The following ALDH18A1 variants were observed in gnomAD, a reference collection of about 807,000 sequenced individuals.
The protein encoded by ALDH18A1 is aldehyde dehydrogenase 18 family member A1.
ALDH18A1 carries 44 observed loss-of-function variants against 88.8 expected under a neutral mutation model. That is an observed-to-expected ratio of 0.50 (90% CI 0.39 to 0.64). The LOEUF (loss-of-function observed/expected upper bound fraction) is 0.64, where lower values mean the gene tolerates loss of function less well. ALDH18A1 is among the 30% of genes least tolerant of loss of function. The pLI, the probability that ALDH18A1 is intolerant of heterozygous loss-of-function variation, is 0.00. For missense variants in ALDH18A1, 782 were observed against 1,009.5 expected (o/e 0.77, Z 3.05); for synonymous variants, 331 against 372.1 (o/e 0.89, Z 1.27).
At position 95,637,197 on chromosome 10, in the gene ALDH18A1, C is replaced by A; in HGVS notation, c.454G>T (p.Ala152Ser). The change falls in exon 5 of 18, where the codon GCA becomes TCA. Residue 152 changes from alanine (A) to serine (S), a missense_variant and splice_region_variant. Ala to Ser is a moderately conservative substitution (Grantham distance 99, BLOSUM62 1). Around this residue, in one of 3 missense-constraint regions of ALDH18A1, gnomAD observed 132 missense variants for 255.5 expected, o/e 0.52. Transcript: ENST00000371224. ...HSGQNQLKEM[A>S]IPVLEARACA... ...GCTCGTGCCTCTAAGACTGGAATTG[C>A]CTGTAATATACCAATGAGACAAGGT... is the stretch of plus-strand genomic sequence containing the variant. 6.2e-7 allele frequency: 1 copy of A among 1,614,158 alleles called. No homozygotes were observed. The highest frequency in any genetic ancestry group is 8.5e-7 in the Non-Finnish European group (1 of 1,180,032).
Position 95,633,042 on chromosome 10 carries a change from C to A in ALDH18A1, c.725G>T (p.Ser242Ile). 1 of 1,613,714 alleles carries A rather than the reference C, an allele frequency of 6.2e-7. No individual in the cohort carries two copies. Among genetic ancestry groups the A allele is most frequent in the Non-Finnish European group, 8.5e-7 (1 of 1,179,610 alleles). Residue 242 changes from serine (S) to isoleucine (I), a missense_variant, in exon 7 of 18, where the codon AGT (serine) becomes ATT (isoleucine). By Grantham distance (142) the Ser-to-Ile change is moderately radical. Transcript: ENST00000371224. ...NSDLQGVNVI[S>I]VKDNDSLAAR... Reference sequence around the variant, plus strand: ...AGCCAGGCTATCATTATCTTTAACACTAATAACCTAGAATGCAGATTAAAA... The same window carrying A: ...AGCCAGGCTATCATTATCTTTAACAATAATAACCTAGAATGCAGATTAAAA...
rs1306790518 is a variant in ALDH18A1, at chr10:95,614,076, A to G, written c.1691T>C (p.Val564Ala). ...CTTAGCAGCTTTCTGGATGTCTCTG[A>G]CCAGCTGGGAAGAGCCACGTGGAAT... ...LIIPRGSSQL[V>A]RDIQKAAKGI... The change falls in exon 14 of 18, where the codon GTC becomes GCC. Residue 564 changes from valine to alanine, a missense_variant. Coordinates refer to ENST00000371224, the MANE Select transcript of ALDH18A1 (RefSeq NM_002860.4). 6.2e-7 allele frequency: 1 copy of G among 1,614,126 alleles called. No individual in the cohort carries two copies. Among genetic ancestry groups the G allele is most frequent in the Admixed American group, 1.7e-5 (1 of 60,020 alleles).
chr10:95,628,761 TA>T (rs1271815529), intron 7 of ALDH18A1: 2 of 444,670 alleles, frequency 4.5e-6, no homozygotes, highest in African/African-American at 4.0e-5. Context: ...GCACAACATT[TA>T]TTAGCCCTGC....
chr10:95,643,203 CAA>C lies in ALDH18A1; in HGVS notation c.90_91del (p.His30GlnfsTer36). ...ATGTCTGATGACTGAAGGCTGGATA[CAA>C]TCTGTAGCCATCAAAGTCAAATGCA... On this transcript the variant is annotated frameshift_variant and splice_region_variant, in exon 3 of 18. Coordinates refer to ENST00000371224, the MANE Select transcript of ALDH18A1 (RefSeq NM_002860.4). LOFTEE classifies it high-confidence loss of function. The C allele has an allele frequency of 6.2e-7, 1 of 1,614,078 alleles. No individual in the cohort carries two copies. Among genetic ancestry groups the C allele is most frequent in the Non-Finnish European group, 8.5e-7 (1 of 1,179,988 alleles).
At chr10:95,655,984 T>C (rs2225893) in intron 1 of ALDH18A1, among the ~76,000 whole-genome samples, 127,972 of 152,004 alleles carry the variant, frequency 0.84, 54,422 homozygotes, top group Non-Finnish European at 0.91. Context: ...GGGCAGGGGA[T>C]AATGATGGGG....
At chr10:95,644,701 GACAGGACAATGTGA>G (rs1190208700) in intron 2 of ALDH18A1, among the ~76,000 whole-genome samples, 1 of 152,214 alleles carries the variant, frequency 6.6e-6, no homozygotes, top group Non-Finnish European at 1.5e-5. Flanking sequence ...TGCTCAGGTA[GACAGGACAATGTGA>G]CCAAGTCTGG....
At position 95,643,108 on chromosome 10, in the gene ALDH18A1, G is replaced by C; in HGVS notation, c.187C>G (p.His63Asp). Residue 63 changes from histidine (H) to aspartate (D), a missense_variant, in exon 3 of 18, where the codon CAC becomes GAC. His to Asp is a moderately conservative substitution (Grantham distance 81, BLOSUM62 -1). Transcript: ENST00000371224. Reference protein sequence around the residue: ...LSRTHGKSFAHRSELKHAKRI... With the variant: ...LSRTHGKSFADRSELKHAKRI... ...TTGGCATGCTTCAGCTCACTGCGGT[G>C]GGCGAAGGACTTGCCATGTGTACGA... The C allele has an allele frequency of 6.2e-7, 1 of 1,614,228 alleles. No individual in the cohort carries two copies. Among genetic ancestry groups the C allele is most frequent in the Non-Finnish European group, 8.5e-7 (1 of 1,180,040 alleles).
intron 11 of ALDH18A1, among the ~76,000 whole-genome samples, chr10:95,622,491 C>A (rs1274317587): frequency 1.3e-5 from 2 of 151,952 alleles, no homozygotes; most frequent in African/African-American, 2.4e-5. Flanking sequence ...TATGAGCGAC[C>A]ATGCTTGGCT....
chr10:95,641,770 C>G (rs559775117), intron 3 of ALDH18A1, among the ~76,000 whole-genome samples: 2 of 152,170 alleles, frequency 1.3e-5, no homozygotes, highest in African/African-American at 4.8e-5. Context: ...TCCCGAGTAG[C>G]CGGGGCCACA....
At chr10:95,620,967 T>C in intron 12 of ALDH18A1, 64 bp downstream of exon 12, 1 of 1,453,858 alleles carries the variant, frequency 6.9e-7, no homozygotes, top group South Asian at 1.2e-5. Context: ...AAATATATTC[T>C]TCCTCCAATA....
chr10:95,617,528 T>C (rs569537897), intron 12 of ALDH18A1, among the ~76,000 whole-genome samples: 4 of 152,332 alleles, frequency 2.6e-5, no homozygotes, highest in East Asian at 1.9e-4. Flanking sequence ...TTTTCCCACA[T>C]GCCTGTCTGG....
rs528157362 is a variant in ALDH18A1 at position 95,613,974 on chromosome 10, G to A, written c.1793C>T (p.Thr598Ile). The part of the protein sequence containing the change: ...VDSEASVDKV[T>I]RLVRDSKCEY... ...GACCCCATCCAGCTCACCTAGCCTG[G>A]TGACCTTATCAACACTGGCCTCGGA... Residue 598 changes from threonine to isoleucine, a missense_variant, in exon 14 of 18, where the codon ACC (threonine) becomes ATC (isoleucine). Around this residue, in one of 3 missense-constraint regions of ALDH18A1, gnomAD observed 556 missense variants for 654.5 expected, o/e 0.85. Transcript: ENST00000371224. 6 of 1,614,176 alleles carry A rather than the reference G, an allele frequency of 3.7e-6. No individual in the cohort carries two copies. The South Asian group carries it at 6.6e-5, about 18-fold the overall frequency.
At chr10:95,632,116 C>T (rs1020014156) in intron 7 of ALDH18A1, among the ~76,000 whole-genome samples, 2 of 152,048 alleles carry the variant, frequency 1.3e-5, no homozygotes, top group African/African-American at 4.8e-5. Flanking sequence ...TGAAAAAAGC[C>T]GGTCACAAAG....
At chr10:95,613,888 G>A (rs1269197400) in intron 14 of ALDH18A1, 25 bp from the exon 15 acceptor site, 1 of 1,614,002 alleles carries the variant, frequency 6.2e-7, no homozygotes, top group Non-Finnish European at 8.5e-7. Context: ...GCAAAGAATT[G>A]TTTCCATTGA....
intron 8 of ALDH18A1, 92 bp downstream of exon 8, chr10:95,628,276 C>A (rs890620016): frequency 2.2e-5 from 35 of 1,572,108 alleles, no homozygotes; most frequent in African/African-American, 1.8e-4. Context: ...CTATCTGAAC[C>A]ATTAACCCCC....
rs779315840 is a variant in ALDH18A1 at position 95,621,267 on chromosome 10, G to A, written c.1247-16C>T. ...GCAAGTCTCCCTGAAAAGCCATTAA[G>A]AGGATATGATAAAGTAGCAGACCTG... On this transcript the variant is annotated splice_polypyrimidine_tract_variant and intron_variant, in intron 11 of 17. Coordinates refer to ENST00000371224, the MANE Select transcript of ALDH18A1 (RefSeq NM_002860.4). The A allele has an allele frequency of 1.9e-6, 3 of 1,602,766 alleles. No homozygotes were observed. The Admixed American group carries it at 5.1e-5, about 27-fold the overall frequency.
intron 11 of ALDH18A1, among the ~76,000 whole-genome samples, chr10:95,621,469 A>G (rs1341877664): frequency 6.6e-6 from 1 of 151,780 alleles, no homozygotes; most frequent in African/African-American, 2.4e-5. Flanking sequence ...ACAGGCATGC[A>G]CCACCAGGCC....
At chr10:95,614,328 A>G (rs1184944679) in intron 13 of ALDH18A1, among the ~76,000 whole-genome samples, 167 bp from the exon 14 acceptor site, 1 of 152,246 alleles carries the variant, frequency 6.6e-6, no homozygotes, top group Admixed American at 6.5e-5. Flanking sequence ...TGGGAATCAA[A>G]AAGTTGTCCA....
At chr10:95,619,605 A>T (rs1403739842) in intron 12 of ALDH18A1, among the ~76,000 whole-genome samples, 31 of 152,190 alleles carry the variant, frequency 2.0e-4, no homozygotes, top group Non-Finnish European at 4.0e-4. Flanking sequence ...GACCAATGGA[A>T]CAGAACAGAG....
Sources: gnomAD v4.1 joint callset for allele counts (sites outside exome capture counted in the v4.1 genomes callset) on GRCh38, gnomAD v4.1.1 for gene constraint, gnomAD v4.1.1 regional missense constraint, MANE v1.5 for transcripts, NCBI Gene and HGNC (gene_info 2026-07-23, HGNC 2026-07-21) for gene names.